Variants in ADAMTS9 observed in about 807,000 individuals in gnomAD.
ADAMTS9 encodes the protein ADAM metallopeptidase with thrombospondin type 1 motif 9.
In ADAMTS9, 107 loss-of-function variants were observed where a neutral mutation model predicts 257.1. The ratio of observed to expected loss-of-function variants is 0.42; its 90% CI spans 0.36 to 0.49. The LOEUF (loss-of-function observed/expected upper bound fraction) is 0.49, where lower values mean the gene tolerates loss of function less well. Ranked by LOEUF, ADAMTS9 falls within the 20% of genes least tolerant of loss-of-function variation. The pLI, the probability that ADAMTS9 is intolerant of heterozygous loss-of-function variation, is 0.03. For missense variants in ADAMTS9, 2,353 were observed against 2,469.1 expected (o/e 0.95, Z 1.00); for synonymous variants, 982 against 880.9 (o/e 1.11, Z -2.03).
chr3:64,633,995 T>C (rs1700434857), intron 12 of ADAMTS9, 116 bp from the exon 13 acceptor site: 1 of 963,248 alleles, frequency 1.0e-6, no homozygotes, highest in African/African-American at 1.7e-5. Flanking sequence ...GGGTGGCAAA[T>C]GACAGAGGAA....
chr3:64,537,763 C>G (rs1324990697), intron 37 of ADAMTS9, among the ~76,000 whole-genome samples: 1 of 152,170 alleles, frequency 6.6e-6, no homozygotes, highest in Admixed American at 6.5e-5. Flanking sequence ...TTAACAACAG[C>G]TTTGTGAAGA....
chr3:64,636,915 C>T (rs1700514537), intron 12 of ADAMTS9, among the ~76,000 whole-genome samples: 1 of 152,150 alleles, frequency 6.6e-6, no homozygotes. Flanking sequence ...GTGTCACTGT[C>T]CTACGTTCCA....
At chr3:64,676,111 C>T (rs1368386093) in intron 3 of ADAMTS9, among the ~76,000 whole-genome samples, 1 of 152,136 alleles carries the variant, frequency 6.6e-6, no homozygotes, top group Non-Finnish European at 1.5e-5. Context: ...AGAGATTCAA[C>T]TTTAACCAGC....
chr3:64,576,104 C>T (rs2083838778), intron 28 of ADAMTS9, among the ~76,000 whole-genome samples: 1 of 152,104 alleles, frequency 6.6e-6, no homozygotes, highest in African/African-American at 2.4e-5. Context: ...TCTGTAGTGC[C>T]CTTTTCTCTC....
At chr3:64,663,657 G>A (rs963474139) in intron 3 of ADAMTS9, among the ~76,000 whole-genome samples, 10 of 152,088 alleles carry the variant, frequency 6.6e-5, no homozygotes, top group Non-Finnish European at 1.0e-4. Context: ...AACAACTCAT[G>A]TAATTGTAAT....
Position 64,656,641 on chromosome 3 carries a change from A to T in ADAMTS9, c.970-766T>A, listed in dbSNP as rs79012460. On this transcript the variant is annotated intron_variant, in intron 4 of 39. Coordinates refer to ENST00000498707, the MANE Select transcript of ADAMTS9 (RefSeq NM_182920.2). ...TCATAATCAAAATTCTTAGGAGAGA[A>T]CTGAAATTAAGAGGTGAAAATGAGG... Among the ~76,000 whole-genome samples the T allele has an allele frequency of 3.3e-3, 505 of 152,266 alleles. 7 individuals are homozygous for T. In the East Asian group the frequency reaches 0.047, roughly 14 times the overall value.
At chr3:64,655,108 T>C (rs979071169) in intron 6 of ADAMTS9, among the ~76,000 whole-genome samples, 2 of 152,242 alleles carry the variant, frequency 1.3e-5, no homozygotes, top group Non-Finnish European at 1.5e-5. Flanking sequence ...TTTCACATTT[T>C]TAAAAAATTC....
At chr3:64,617,449 A>G (rs949832797) in intron 19 of ADAMTS9, among the ~76,000 whole-genome samples, 3 of 152,212 alleles carry the variant, frequency 2.0e-5, no homozygotes, top group African/African-American at 7.2e-5. Context: ...GAAAGGGCAT[A>G]GCGCAGCCTT....
intron 30 of ADAMTS9, among the ~76,000 whole-genome samples, chr3:64,552,903 A>G (rs1263022122): frequency 6.6e-6 from 1 of 152,168 alleles, no homozygotes; most frequent in Non-Finnish European, 1.5e-5. Context: ...TTTACGGAGA[A>G]CTACAGACCC....
rs1701938334 is a variant in ADAMTS9, at chr3:64,687,241, T to TA, written c.116-274dup. Among the ~76,000 whole-genome samples, 1 of 152,196 alleles carries TA rather than the reference T, an allele frequency of 6.6e-6. No homozygotes were observed. The highest frequency in any genetic ancestry group is 6.5e-5 in the Admixed American group (1 of 15,294). On this transcript the variant is annotated intron_variant, in intron 1 of 39. Transcript: ENST00000498707. The surrounding 1 kb of genome is among the most constrained non-coding windows in gnomAD (Gnocchi z 4.4). The stretch of plus-strand genomic sequence containing the variant: ...ATATTGATAAATAACCTGAATAAAA[T>TA]AAAACATGACGCTATCTGGTGCCCC...
chr3:64,557,816 T>A (rs1312070125), intron 30 of ADAMTS9, among the ~76,000 whole-genome samples: 1 of 152,228 alleles, frequency 6.6e-6, no homozygotes, highest in African/African-American at 2.4e-5. Context: ...TACAACATGT[T>A]GTTTCTAGGA....
chr3:64,540,656 C>A (rs2083108948), intron 36 of ADAMTS9, among the ~76,000 whole-genome samples: 1 of 152,156 alleles, frequency 6.6e-6, no homozygotes. Flanking sequence ...CTTCTGCTAC[C>A]AGCTCTGCTT....
chr3:64,600,361 GA>G (rs1286400741), intron 26 of ADAMTS9, among the ~76,000 whole-genome samples: 11 of 152,114 alleles, frequency 7.2e-5, no homozygotes, highest in Non-Finnish European at 1.0e-4. Context: ...TAACGTAGGG[GA>G]AAAAATATCC....
chr3:64,560,446 G>A (rs1005071010), intron 30 of ADAMTS9, among the ~76,000 whole-genome samples: 4 of 152,188 alleles, frequency 2.6e-5, no homozygotes, highest in South Asian at 4.1e-4. Flanking sequence ...ACAGGGCTGG[G>A]CGGCTGAATC....
At chr3:64,561,456 G>A in intron 30 of ADAMTS9, 122 bp downstream of exon 30, 1 of 1,129,390 alleles carries the variant, frequency 8.9e-7, no homozygotes, top group Non-Finnish European at 1.2e-6. Flanking sequence ...AACCTTTTGG[G>A]AAAGAGCCAG....
chr3:64,677,733 A>G (rs1293640989), intron 3 of ADAMTS9, among the ~76,000 whole-genome samples: 2 of 152,198 alleles, frequency 1.3e-5, no homozygotes, highest in Non-Finnish European at 2.9e-5. Flanking sequence ...CTTGAAAGGT[A>G]CATGTTATCC....
chr3:64,542,492 AT>A (rs1466217693), intron 32 of ADAMTS9, among the ~76,000 whole-genome samples: 1 of 148,152 alleles, frequency 6.7e-6, no homozygotes, highest in Non-Finnish European at 1.5e-5. Context: ...CAATGGCACA[AT>A]CACAGCTCAC....
intron 26 of ADAMTS9, among the ~76,000 whole-genome samples, chr3:64,600,247 A>G (rs1276439392): frequency 6.6e-6 from 1 of 152,138 alleles, no homozygotes; most frequent in Non-Finnish European, 1.5e-5. Flanking sequence ...TTTGTGTACC[A>G]TGCAATGCAA....
chr3:64,517,425 T>TTTTTTG (rs1559741959), intron 39 of ADAMTS9, among the ~76,000 whole-genome samples: 1 of 123,496 alleles, frequency 8.1e-6, no homozygotes, highest in East Asian at 2.4e-4. Context: ...GGTTTTTTTT[T>TTTTTTG]TTTTTTTTTT....
Sources: allele counts gnomAD v4.1 joint callset (sites outside exome capture counted in the v4.1 genomes callset), GRCh38; gene constraint gnomAD v4.1.1; non-coding constraint Gnocchi (gnomAD v3.1); transcripts MANE v1.5; gene names NCBI Gene and HGNC (gene_info 2026-07-23, HGNC 2026-07-21).